Variants in SEC22C observed in about 807,000 individuals in gnomAD.
SEC22C encodes SEC22 homolog C, vesicle trafficking protein, also known as vesicle-trafficking protein SEC22c.
SEC22C carries 29 observed loss-of-function variants against 34.7 expected under a neutral mutation model. The observed-to-expected ratio is 0.84, with a 90% CI of 0.62 to 1.14. The LOEUF is 1.14. Ranked by LOEUF, SEC22C falls within the 50% of genes most tolerant of loss-of-function variation. The pLI is 0.00. For synonymous variants in SEC22C, 117 were observed against 132.8 expected (o/e 0.88, Z 0.82); for missense variants, 337 against 369.0 (o/e 0.91, Z 0.71).
upstream of SEC22C, among the ~76,000 whole-genome samples, chr3:42,582,637 A>C (rs946022632): frequency 2.6e-5 from 4 of 152,256 alleles, no homozygotes; most frequent in Non-Finnish European, 4.4e-5. Context: ...GCAGGGTGAG[A>C]GCACCCTTCA....
intron 6 of SEC22C, among the ~76,000 whole-genome samples, 174 bp from the exon 7 acceptor site, chr3:42,553,622 A>T (rs1702359910): frequency 2.0e-5 from 3 of 152,198 alleles, no homozygotes; most frequent in Non-Finnish European, 2.9e-5. Context: ...TAATTATTGG[A>T]CGAAAGTGAG....
chr3:42,562,381 T>TC (rs1229248569), intron 3 of SEC22C, among the ~76,000 whole-genome samples: 2 of 152,204 alleles, frequency 1.3e-5, no homozygotes, highest in African/African-American at 4.8e-5. Context: ...CTAGCAGCCC[T>TC]CTTCAGAGAA....
intron 1 of SEC22C, among the ~76,000 whole-genome samples, chr3:42,575,709 A>G (rs1703917260): frequency 6.6e-6 from 1 of 152,252 alleles, no homozygotes; most frequent in Non-Finnish European, 1.5e-5. Context: ...AAAAATTGAT[A>G]AGACAAGTAA....
chr3:42,570,793 T>C (rs1703572484), intron 1 of SEC22C, among the ~76,000 whole-genome samples: 1 of 152,166 alleles, frequency 6.6e-6, no homozygotes, highest in African/African-American at 2.4e-5. Flanking sequence ...AATATTTAAT[T>C]TTAAAACATT....
chr3:42,556,615 C>A (rs1341502870), intron 5 of SEC22C, among the ~76,000 whole-genome samples: 1 of 152,230 alleles, frequency 6.6e-6, no homozygotes, highest in Non-Finnish European at 1.5e-5. Context: ...AACAGTCATG[C>A]TTCAGACTTT....
intron 4 of SEC22C, among the ~76,000 whole-genome samples, chr3:42,558,181 C>T (rs1392274645): frequency 2.0e-5 from 3 of 152,072 alleles, no homozygotes; most frequent in African/African-American, 4.8e-5. Flanking sequence ...CAATAGGGAT[C>T]AGGCTGAAAA....
At chr3:42,581,282 T>C (rs1000189937) in intron 1 of SEC22C, 2 of 152,222 alleles carry the variant, frequency 1.3e-5, no homozygotes, top group Non-Finnish European at 1.5e-5. Context: ...ACACTGGCAA[T>C]AGTCTTCCGT....
rs1364731683 is a variant in SEC22C, at chr3:42,600,959, C to A, written c.-28+1G>T. Reference sequence around the variant, plus strand: ...GCCCCCGCCCTCGCCCCTGCCCTGACCGCTTTTCTCCCCCTCTCTCCCAGC... The same window carrying A: ...GCCCCCGCCCTCGCCCCTGCCCTGAACGCTTTTCTCCCCCTCTCTCCCAGC... On this transcript the variant is annotated splice_donor_variant, in intron 1 of 6. Transcript: ENST00000417572. LOFTEE classifies it low-confidence loss of function (5UTR_SPLICE). 2.0e-6 allele frequency: 3 copies of A among 1,484,524 alleles called. No individual in the cohort carries two copies. Among genetic ancestry groups the A allele is most frequent in the Non-Finnish European group, 2.7e-6 (3 of 1,108,156 alleles). The allele number at this position is 1,484,524 out of a possible 1,614,324, so 92.0% of individuals were successfully genotyped here.
At chr3:42,566,913 C>A in intron 2 of SEC22C, 1 of 249,718 alleles carries the variant, frequency 4.0e-6, no homozygotes. Flanking sequence ...ATCAATCAAT[C>A]AATCTATCCA....
intron 1 of SEC22C, among the ~76,000 whole-genome samples, chr3:42,592,700 C>A (rs1407631076): frequency 6.6e-6 from 1 of 152,002 alleles, no homozygotes; most frequent in Admixed American, 6.6e-5. Flanking sequence ...TGGTAAATAC[C>A]TTCTCCTTTT....
At chr3:42,592,177 A>G (rs2125740884) in intron 1 of SEC22C, among the ~76,000 whole-genome samples, 1 of 152,222 alleles carries the variant, frequency 6.6e-6, no homozygotes, top group East Asian at 1.9e-4. Flanking sequence ...AATCTAGTCC[A>G]GGTATTACGC....
At position 42,590,809 on chromosome 3, in the gene SEC22C, G is replaced by A. The variant is rs1704796997; in HGVS notation, c.-28+10151C>T. The stretch of plus-strand genomic sequence containing the variant: ...GTCCCTTCTGTACCCCGCCCTGTAG[G>A]CGGGAGCATCCAATCAACTTCGAGA... On this transcript the variant is annotated intron_variant, in intron 1 of 6. Coordinates refer to the SEC22C transcript ENST00000417572. 2.2e-6 allele frequency: 3 copies of A among 1,344,550 alleles called. No homozygotes were observed. The South Asian group carries it at 3.5e-5, about 16-fold the overall frequency. The allele number at this position is 1,344,550 out of a possible 1,614,324, so 83.3% of individuals were successfully genotyped here.
chr3:42,565,790 A>C (rs1254967156), intron 2 of SEC22C: 1 of 433,306 alleles, frequency 2.3e-6, no homozygotes, highest in Non-Finnish European at 4.6e-6. Flanking sequence ...GAGAGAACGA[A>C]TTCTGTTGTT....
chr3:42,579,096 G>A (rs1704146353), intron 1 of SEC22C, among the ~76,000 whole-genome samples: 1 of 152,066 alleles, frequency 6.6e-6, no homozygotes, highest in African/African-American at 2.4e-5. Context: ...TGACCAACAT[G>A]GAGAAACCCC....
chr3:42,589,391 G>T (rs1011814113), intron 1 of SEC22C, among the ~76,000 whole-genome samples: 4 of 152,208 alleles, frequency 2.6e-5, no homozygotes, highest in Non-Finnish European at 5.9e-5. Flanking sequence ...ACCACTCAGG[G>T]GAATAAAGCT....
rs927931166 is a variant in SEC22C at position 42,590,817 on chromosome 3, A to C, written c.-28+10143T>G. On this transcript the variant is annotated intron_variant, in intron 1 of 6. Coordinates refer to the SEC22C transcript ENST00000417572. ...TGTACCCCGCCCTGTAGGCGGGAGC[A>C]TCCAATCAACTTCGAGAGCGTAGGC... The C allele has an allele frequency of 1.4e-5, 20 of 1,421,952 alleles. No individual in the cohort carries two copies. In the Admixed American group the frequency reaches 3.2e-4, roughly 23 times the overall value. 88.1% of individuals were successfully genotyped at this position (1,421,952 alleles called of 1,614,324 possible).
At chr3:42,554,174 A>G (rs2125694655) in intron 6 of SEC22C, among the ~76,000 whole-genome samples, 1 of 152,238 alleles carries the variant, frequency 6.6e-6, no homozygotes, top group South Asian at 2.1e-4. Context: ...GGAGTGAGCT[A>G]TCCAACCAGG....
At chr3:42,564,287 A>AT (rs1438487409) in intron 2 of SEC22C, 1 of 198,034 alleles carries the variant, frequency 5.0e-6, no homozygotes, top group Admixed American at 5.5e-5. Flanking sequence ...TCATGCAATC[A>AT]TTTCAAGTTC....
chr3:42,548,834 C>T lies in SEC22C; in HGVS notation c.*4414G>A, dbSNP rs777236431. On this transcript the variant is annotated 3_prime_UTR_variant, in exon 7 of 7. Transcript: ENST00000264454. ...CAGAAGAAATGGCTGTGCTGTGCTG[C>T]CTGAAGCAGAAAAACCTTCATGTAC... 7.1e-6 allele frequency: 10 copies of T among 1,412,432 alleles called. No individual in the cohort carries two copies. The highest frequency in any genetic ancestry group is 1.4e-5 in the African/African-American group (1 of 69,636). 87.5% of individuals were successfully genotyped at this position (1,412,432 alleles called of 1,614,324 possible).
Sources: gnomAD v4.1 joint callset for allele counts (sites outside exome capture counted in the v4.1 genomes callset) on GRCh38, gnomAD v4.1.1 for gene constraint, MANE v1.5 for transcripts, NCBI Gene and HGNC (gene_info 2026-07-23, HGNC 2026-07-21) for gene names.